BNC2: variants seen among roughly 807,000 people sequenced by gnomAD.
BNC2 encodes basonuclin zinc finger protein 2.
Under a neutral mutation model 76.3 loss-of-function variants are expected in BNC2, and 20 were observed. The observed-to-expected ratio is 0.26, with a 90% CI of 0.18 to 0.38. The LOEUF is 0.38. BNC2 is among the 10% of genes least tolerant of loss of function. BNC2 has a pLI of 1.00. For synonymous variants in BNC2, 582 were observed against 514.8 expected, an observed-to-expected ratio of 1.13 and a Z score of -1.77; for missense variants, 1,382 against 1,399.8, an observed-to-expected ratio of 0.99 and a Z score of 0.20.
At chr9:16,850,712 C>T (rs989523219) in intron 1 of BNC2, among the ~76,000 whole-genome samples, 3 of 151,872 alleles carry the variant, frequency 2.0e-5, no homozygotes, top group African/African-American at 4.8e-5. Context: ...GTAGGGGGAT[C>T]GCTTAAGTCC....
chr9:16,517,990 AAC>A (rs1251859280), intron 5 of BNC2, among the ~76,000 whole-genome samples: 16 of 152,186 alleles, frequency 1.1e-4, no homozygotes, highest in African/African-American at 3.9e-4. Flanking sequence ...GTCTCGAAGG[AAC>A]ACAGACTGGT....
chr9:16,857,856 G>A (rs1456537795), intron 1 of BNC2, among the ~76,000 whole-genome samples: 1 of 152,222 alleles, frequency 6.6e-6, no homozygotes, highest in Non-Finnish European at 1.5e-5. Flanking sequence ...AATTAGAACT[G>A]TAAGGGAATG....
intron 3 of BNC2, chr9:16,626,160 C>A (rs1310316559): frequency 6.6e-6 from 1 of 152,042 alleles, no homozygotes; most frequent in African/African-American, 2.4e-5. Context: ...GCCTACAGAC[C>A]TTGGTATATC....
chr9:16,680,021 C>T (rs1460970345), intron 3 of BNC2, among the ~76,000 whole-genome samples: 2 of 152,178 alleles, frequency 1.3e-5, no homozygotes, highest in Admixed American at 1.3e-4. Flanking sequence ...TTAAACTTAA[C>T]CCCTCCATCA....
intron 5 of BNC2, among the ~76,000 whole-genome samples, chr9:16,541,951 C>T (rs1818334913): frequency 6.6e-6 from 1 of 151,976 alleles, no homozygotes; most frequent in Non-Finnish European, 1.5e-5. Flanking sequence ...CAATATACGC[C>T]AGTCTTCAAA....
At chr9:16,734,666 T>C (rs1341210580) in intron 2 of BNC2, among the ~76,000 whole-genome samples, 1 of 152,196 alleles carries the variant, frequency 6.6e-6, no homozygotes, top group Non-Finnish European at 1.5e-5. Flanking sequence ...TTTGCCAAAG[T>C]ATTGTGAGTA....
chr9:16,608,115 T>A (rs1246677832), intron 3 of BNC2, among the ~76,000 whole-genome samples: 2 of 152,182 alleles, frequency 1.3e-5, no homozygotes, highest in African/African-American at 4.8e-5. Flanking sequence ...AGCTTGTGAT[T>A]AACTAAATCT....
intron 3 of BNC2, among the ~76,000 whole-genome samples, chr9:16,713,445 CT>C (rs34090221): frequency 0.011 from 1,427 of 128,122 alleles, 33 homozygotes; most frequent in African/African-American, 0.035. Context: ...GGAAAAGGCA[CT>C]TTTTTTTTTT....
chr9:16,711,565 A>C (rs905336017), intron 3 of BNC2, among the ~76,000 whole-genome samples: 1 of 152,244 alleles, frequency 6.6e-6, no homozygotes, highest in Non-Finnish European at 1.5e-5. Context: ...CCTACAGCAC[A>C]AAACTATAGT....
At chr9:16,490,416 A>T (rs746867143) in intron 5 of BNC2, among the ~76,000 whole-genome samples, 20 of 152,124 alleles carry the variant, frequency 1.3e-4, no homozygotes, top group Non-Finnish European at 2.2e-4. Flanking sequence ...CTCCCACAAC[A>T]CGTGGGAATT....
At chr9:16,659,366 TTGG>T (rs1822032058) in intron 3 of BNC2, among the ~76,000 whole-genome samples, 1 of 152,000 alleles carries the variant, frequency 6.6e-6, no homozygotes, top group East Asian at 1.9e-4. Context: ...TCACAGCACT[TTGG>T]GGGGCCGAGG....
chr9:16,459,442 T>C (rs1183118383), intron 5 of BNC2, among the ~76,000 whole-genome samples: 1 of 152,028 alleles, frequency 6.6e-6, no homozygotes, highest in African/African-American at 2.4e-5. Context: ...TTACTGAGGG[T>C]GGTGGGTGGG....
chr9:16,627,862 AAAAGAG>A (rs1821043403), intron 3 of BNC2, among the ~76,000 whole-genome samples: 1 of 152,226 alleles, frequency 6.6e-6, no homozygotes, highest in African/African-American at 2.4e-5. Flanking sequence ...GCAGAAAGTA[AAAAGAG>A]AAAAAGAGCT....
At chr9:16,461,687 A>C (rs531785485) in intron 5 of BNC2, among the ~76,000 whole-genome samples, 1 of 152,280 alleles carries the variant, frequency 6.6e-6, no homozygotes, top group South Asian at 2.1e-4. Flanking sequence ...ACGCTGCATC[A>C]CCAGGGACTG....
chr9:16,835,751 T>C (rs1418178065), intron 1 of BNC2, among the ~76,000 whole-genome samples: 1 of 152,164 alleles, frequency 6.6e-6, no homozygotes, highest in African/African-American at 2.4e-5. Context: ...CAGAAAACTA[T>C]TGTGTGCAAG....
intron 3 of BNC2, among the ~76,000 whole-genome samples, chr9:16,583,575 T>A (rs1188780135): frequency 6.6e-6 from 1 of 152,164 alleles, no homozygotes; most frequent in Non-Finnish European, 1.5e-5. Flanking sequence ...TTAAATGTTG[T>A]GCTAAACTCT....
chr9:16,816,040 T>A (rs981880657), intron 1 of BNC2, among the ~76,000 whole-genome samples: 1 of 152,160 alleles, frequency 6.6e-6, no homozygotes, highest in African/African-American at 2.4e-5. Flanking sequence ...TGTTTATTTA[T>A]TATTTTTCAT....
At chr9:16,737,824 G>A (rs761727571) in intron 2 of BNC2, among the ~76,000 whole-genome samples, 2 of 152,102 alleles carry the variant, frequency 1.3e-5, no homozygotes, top group Non-Finnish European at 2.9e-5. Flanking sequence ...CTTTGATGGA[G>A]AATAGTGGCT....
intron 1 of BNC2, among the ~76,000 whole-genome samples, chr9:16,782,642 C>T (rs1826185666): frequency 1.3e-5 from 2 of 152,100 alleles, no homozygotes; most frequent in Admixed American, 1.3e-4. Context: ...TCCAGGAAGA[C>T]TTTGGGCACC....
Sources: gnomAD v4.1 joint callset for allele counts (sites outside exome capture counted in the v4.1 genomes callset) on GRCh38, gnomAD v4.1.1 for gene constraint, MANE v1.5 for transcripts, NCBI Gene and HGNC (gene_info 2026-07-23, HGNC 2026-07-21) for gene names.